TIMP4: variants seen among roughly 807,000 people sequenced by gnomAD.
The protein encoded by TIMP4 is TIMP metallopeptidase inhibitor 4, also known as metalloproteinase inhibitor 4.
Under a neutral mutation model 27.3 loss-of-function variants are expected in TIMP4, and 28 were observed. The ratio of observed to expected loss-of-function variants is 1.03; its 90% CI spans 0.76 to 1.41. The LOEUF (loss-of-function observed/expected upper bound fraction) is 1.41. TIMP4 is among the 40% of genes most tolerant of loss of function. The probability of loss-of-function intolerance (pLI) is 0.00; values close to 1 mark genes in which losing one functional copy is unlikely to be tolerated. For synonymous variants in TIMP4, 138 were observed against 115.5 expected (o/e 1.20, Z -1.25); for missense variants, 307 against 285.5 (o/e 1.08, Z -0.54).
intron 3 of TIMP4, among the ~76,000 whole-genome samples, chr3:12,156,488 A>G (rs1477181558): frequency 6.6e-6 from 1 of 152,224 alleles, no homozygotes. Flanking sequence ...AGTTTTAGAG[A>G]GGAGACTTCG....
At position 12,153,425 on chromosome 3, in the gene TIMP4, G is replaced by T. The variant is rs992568801; in HGVS notation, c.*90C>A. On this transcript the variant is annotated 3_prime_UTR_variant, in exon 5 of 5. Transcript: ENST00000287814. ...ACTTCTTATTAGCTGGCAGCAAGAGGTCAGGTGGTAATGGCCAAAGCTCTG... is the reference window on the plus strand; with the variant it reads ...ACTTCTTATTAGCTGGCAGCAAGAGTTCAGGTGGTAATGGCCAAAGCTCTG... The T allele has an allele frequency of 2.8e-6, 4 of 1,447,158 alleles. No individual in the cohort carries two copies. In the Admixed American group the frequency reaches 5.0e-5, roughly 18 times the overall value. The allele number at this position is 1,447,158 out of a possible 1,614,324, so 89.6% of individuals were successfully genotyped here.
At chr3:12,155,320 A>G (rs1334317440) in intron 3 of TIMP4, among the ~76,000 whole-genome samples, 1 of 152,252 alleles carries the variant, frequency 6.6e-6, no homozygotes, top group Non-Finnish European at 1.5e-5. Context: ...TACAAAGTGC[A>G]GTATAAGAAC....
chr3:12,158,855 G>T lies in TIMP4; in HGVS notation c.-15C>A, dbSNP rs372880472. ...CTCCCAGGCATGACACTGCAGATCC[G>T]CGACTGAGCCTGTGAGGTCTGGGGG... On this transcript the variant is annotated 5_prime_UTR_variant, in exon 1 of 5. Transcript: ENST00000287814. The T allele has an allele frequency of 5.8e-6, 9 of 1,555,324 alleles. No individual in the cohort carries two copies. The South Asian group carries it at 1.1e-4, about 19-fold the overall frequency.
At chr3:12,156,969 T>C in intron 2 of TIMP4, 35 bp from the exon 3 acceptor site, 1 of 1,468,232 alleles carries the variant, frequency 6.8e-7, no homozygotes, top group Non-Finnish European at 9.5e-7. Flanking sequence ...CAATATTGGG[T>C]CAGTGAGTGT....
At position 12,153,376 on chromosome 3, in the gene TIMP4, C is replaced by T; in HGVS notation, c.*139G>A. ...AGTCATGGCCCCTTCCCTGCCTTGA[C>T]AGTGGCCAGACTGTCCACTTGGCAC... On this transcript the variant is annotated 3_prime_UTR_variant, in exon 5 of 5. Transcript: ENST00000287814. 2.0e-6 allele frequency: 2 copies of T among 998,732 alleles called. No individual in the cohort carries two copies. Among genetic ancestry groups the T allele is most frequent in the Non-Finnish European group, 3.1e-6 (2 of 645,838 alleles). The allele number at this position is 998,732 out of a possible 1,614,324, so 61.9% of individuals were successfully genotyped here.
In TIMP4 at chr3:12,154,905, GTCCCT is replaced by G. The variant is rs543836476; in HGVS notation, c.353-459_353-455del. 4.6e-5 allele frequency among the ~76,000 whole-genome samples: 7 copies of G among 152,230 alleles called. No individual in the cohort carries two copies. In the South Asian group the frequency reaches 1.5e-3, roughly 32 times the overall value. On this transcript the variant is annotated intron_variant, in intron 3 of 4. Coordinates refer to ENST00000287814, the MANE Select transcript of TIMP4 (RefSeq NM_003256.4). ...ACAGAAGATATTCAATAAATAATAG[GTCCCT>G]TCCCCTTTCCAGCCCTTCCCAGTAT...
intron 3 of TIMP4, among the ~76,000 whole-genome samples, chr3:12,156,448 T>C (rs988228454): frequency 2.0e-5 from 3 of 152,250 alleles, no homozygotes; most frequent in Non-Finnish European, 2.9e-5. Context: ...TTAAGTCCTG[T>C]GCAAAAGGCA....
Position 12,153,705 on chromosome 3 carries a change from G to C in TIMP4, c.485C>G (p.Thr162Ser), listed in dbSNP as rs1697372324. 1.2e-6 allele frequency: 2 copies of C among 1,614,082 alleles called. No individual in the cohort carries two copies. Among genetic ancestry groups the C allele is most frequent in the East Asian group, 2.2e-5 (1 of 44,882 alleles). The change falls in exon 5 of 5, where the codon ACC (threonine) becomes AGC (serine). Residue 162 changes from threonine (T) to serine (S), a missense_variant. Coordinates refer to ENST00000287814, the MANE Select transcript of TIMP4 (RefSeq NM_003256.4). ...GATGGTACAGGGTACTGTGTAGCAG[G>C]TGGTGATCTAGAGTCATGGCCACAC... ...YHLNCGCQIT[T>S]CYTVPCTISA...
rs370220584 is a variant in TIMP4, at chr3:12,153,696, G to T, written c.494C>A (p.Thr165Lys). 4.3e-6 allele frequency: 7 copies of T among 1,614,100 alleles called. No individual in the cohort carries two copies. Among genetic ancestry groups the T allele is most frequent in the Non-Finnish European group, 5.9e-6 (7 of 1,180,046 alleles). The change falls in exon 5 of 5, where the codon ACA (threonine) becomes AAA (lysine). Residue 165 changes from threonine (T) to lysine (K), a missense_variant. Coordinates refer to ENST00000287814, the MANE Select transcript of TIMP4 (RefSeq NM_003256.4). Reference protein sequence around the residue: ...NCGCQITTCYTVPCTISAPNE... With the variant: ...NCGCQITTCYKVPCTISAPNE... ...AGGGGCCGAGATGGTACAGGGTACT[G>T]TGTAGCAGGTGGTGATCTAGAGTCA... is the stretch of plus-strand genomic sequence containing the variant.
chr3:12,153,714 T>C lies in TIMP4; in HGVS notation c.478-2A>G. 1 of 1,614,176 alleles carries C rather than the reference T, an allele frequency of 6.2e-7. No homozygotes were observed. Among genetic ancestry groups the C allele is most frequent in the Non-Finnish European group, 8.5e-7 (1 of 1,180,020 alleles). On this transcript the variant is annotated splice_acceptor_variant, in intron 4 of 4. Coordinates refer to ENST00000287814, the MANE Select transcript of TIMP4 (RefSeq NM_003256.4). LOFTEE classifies it high-confidence loss of function. ...GGGTACTGTGTAGCAGGTGGTGATC[T>C]AGAGTCATGGCCACACAACATTAAA...
chr3:12,158,700 A>G lies in TIMP4; in HGVS notation c.139+2T>C. The G allele has an allele frequency of 6.2e-7, 1 of 1,610,234 alleles. No homozygotes were observed. The highest frequency in any genetic ancestry group is 8.5e-7 in the Non-Finnish European group (1 of 1,179,638). On this transcript the variant is annotated splice_donor_variant, in intron 1 of 4. Transcript: ENST00000287814. LOFTEE classifies it high-confidence loss of function. The stretch of plus-strand genomic sequence containing the variant: ...TGTGGACCTCGCGGACCTCGGACTC[A>G]CCAAGTGCCGAGTGGCAGATGTGCT...
At chr3:12,156,972 GTGAGTGTACTGTATATATT>G (rs1697477473) in intron 2 of TIMP4, 38 bp from the exon 3 acceptor site, 1 of 1,445,640 alleles carries the variant, frequency 6.9e-7, no homozygotes, top group Non-Finnish European at 9.7e-7. Context: ...TATTGGGTCA[GTGAGTGTACTGTATATATT>G]AACAGACAAA....
rs760168371 is a variant in TIMP4 at position 12,157,381 on chromosome 3, G to C, written c.237+4C>G. On this transcript the variant is annotated splice_donor_region_variant and intron_variant, in intron 2 of 4. Coordinates refer to ENST00000287814, the MANE Select transcript of TIMP4 (RefSeq NM_003256.4). ...GCTACACATCCCAGCCTGCCCCCATGTACCTTTATCTGTTTGATTTCATAC... is the reference window on the plus strand; with the variant it reads ...GCTACACATCCCAGCCTGCCCCCATCTACCTTTATCTGTTTGATTTCATAC... The C allele has an allele frequency of 6.2e-7, 1 of 1,613,862 alleles. No homozygotes were observed.
At chr3:12,157,069 C>G (rs751235842) in intron 2 of TIMP4, 135 bp from the exon 3 acceptor site, 10 of 657,928 alleles carry the variant, frequency 1.5e-5, no homozygotes, top group Non-Finnish European at 2.6e-5. Context: ...CCTCAGATGT[C>G]CCTACTGGGT....
intron 1 of TIMP4, 35 bp downstream of exon 1, chr3:12,158,666 AC>A (rs1490707592): frequency 6.2e-7 from 1 of 1,605,280 alleles, no homozygotes. Flanking sequence ...CCCCACAACC[AC>A]CCCCTGCTGT....
chr3:12,154,262 G>A, intron 4 of TIMP4, 65 bp downstream of exon 4: 1 of 1,604,776 alleles, frequency 6.2e-7, no homozygotes. Flanking sequence ...ATAAATTCAT[G>A]CATGAATGAA....
Position 12,154,355 on chromosome 3 carries a change from T to C in TIMP4, c.449A>G (p.His150Arg). Residue 150 changes from histidine to arginine, a missense_variant, in exon 4 of 5, where the codon CAT becomes CGT. By Grantham distance (29) the His-to-Arg change is conservative (BLOSUM62 0). Coordinates refer to ENST00000287814, the MANE Select transcript of TIMP4 (RefSeq NM_003256.4). The part of the protein sequence containing the change: ...LSLVQRESLN[H>R]HYHLNCGCQI... ...GCAGCCACAGTTCAGATGGTAGTGA[T>C]GATTCAGACTTTCCCTCTGCACCAA... The C allele has an allele frequency of 1.2e-6, 2 of 1,614,250 alleles. No individual in the cohort carries two copies. Among genetic ancestry groups the C allele is most frequent in the South Asian group, 1.1e-5 (1 of 91,092 alleles).
chr3:12,156,221 G>A (rs1352509255), intron 3 of TIMP4, among the ~76,000 whole-genome samples: 1 of 152,188 alleles, frequency 6.6e-6, no homozygotes, highest in Non-Finnish European at 1.5e-5. Flanking sequence ...TTTCAGGCCA[G>A]TTTAGATCCC....
intron 3 of TIMP4, 59 bp downstream of exon 3, chr3:12,156,761 C>G (rs149621171): frequency 4.9e-6 from 7 of 1,420,612 alleles, no homozygotes; most frequent in Non-Finnish European, 6.9e-6. Context: ...TCCTTTCTCA[C>G]TACCTCCCCT....
Sources: gnomAD v4.1 joint callset for allele counts (sites outside exome capture counted in the v4.1 genomes callset) on GRCh38, gnomAD v4.1.1 for gene constraint, MANE v1.5 for transcripts, NCBI Gene and HGNC (gene_info 2026-07-23, HGNC 2026-07-21) for gene names.